NAA35: variants seen among roughly 807,000 people sequenced by gnomAD.
The protein encoded by NAA35 is N-alpha-acetyltransferase 35, NatC auxiliary subunit.
In NAA35, 18 loss-of-function variants were observed where a neutral mutation model predicts 101.7. The ratio of observed to expected loss-of-function variants is 0.18; its 90% confidence interval spans 0.12 to 0.26. The LOEUF is 0.26. Among genes scored for constraint, NAA35 ranks in the 10% least tolerant of loss-of-function variants. The pLI is 1.00. For missense variants in NAA35, 601 were observed against 886.8 expected (o/e 0.68, Z 4.09); for synonymous variants, 267 against 273.1 (o/e 0.98, Z 0.22).
At chr9:86,017,403 C>A in intron 18 of NAA35, 95 bp from the exon 19 acceptor site, 1 of 1,115,220 alleles carries the variant, frequency 9.0e-7, no homozygotes, top group South Asian at 1.5e-5. Context: ...AGTATACAAG[C>A]TGAAAGATTT....
intron 13 of NAA35, among the ~76,000 whole-genome samples, chr9:86,005,875 A>T (rs927530358): frequency 1.4e-5 from 2 of 144,118 alleles, no homozygotes; most frequent in East Asian, 2.0e-4. Context: ...GAATATCTTT[A>T]AAAAAAAAAA....
chr9:85,964,047 T>C (rs1472965334), intron 6 of NAA35, among the ~76,000 whole-genome samples: 1 of 152,184 alleles, frequency 6.6e-6, no homozygotes, highest in Non-Finnish European at 1.5e-5. Flanking sequence ...AACAAGATTG[T>C]TGAGGATGGG....
rs1270165452 is a variant in NAA35, at chr9:85,978,344, T to G, written c.840T>G (p.His280Gln). 4 of 1,612,984 alleles carry G rather than the reference T, an allele frequency of 2.5e-6. No individual in the cohort carries two copies. In the South Asian group the frequency reaches 4.4e-5, roughly 18 times the overall value. Residue 280 changes from histidine to glutamine, a missense_variant, in exon 11 of 23, where the codon CAT becomes CAG. His to Gln is a conservative substitution (Grantham distance 24). Around this residue, in one of 8 missense-constraint regions of NAA35, gnomAD observed 190 missense variants for 223.1 expected, o/e 0.85. Coordinates refer to ENST00000361671, the MANE Select transcript of NAA35 (RefSeq NM_024635.4). Reference sequence around the variant, plus strand: ...TTTCTGCCATTCATAATTCATTGCATCATGGCATCCAGGCCCAGAATGATA... The same window carrying G: ...TTTCTGCCATTCATAATTCATTGCAGCATGGCATCCAGGCCCAGAATGATA... ...DLLSAIHNSL[H>Q]HGIQAQNDTT...
At chr9:85,988,041 GT>G (rs1830726159) in intron 11 of NAA35, among the ~76,000 whole-genome samples, 1 of 152,210 alleles carries the variant, frequency 6.6e-6, no homozygotes, top group African/African-American at 2.4e-5. Flanking sequence ...TGCTGTTGAT[GT>G]TTTAGTAGTC....
Position 85,977,460 on chromosome 9 carries a change from A to G in NAA35, c.762+14A>G, listed in dbSNP as rs1454092772. 8 of 1,542,814 alleles carry G rather than the reference A, an allele frequency of 5.2e-6. No homozygotes were observed. Among genetic ancestry groups the G allele is most frequent in the Middle Eastern group, 1.7e-4 (1 of 5,940 alleles). On this transcript the variant is annotated intron_variant, in intron 10 of 22. Coordinates refer to ENST00000361671, the MANE Select transcript of NAA35 (RefSeq NM_024635.4). Reference sequence around the variant, plus strand: ...ACTAAGAAAGAGGTAAGGGCATTCAATATAATATGTCTATTTGTTTTAGTG... The same window carrying G: ...ACTAAGAAAGAGGTAAGGGCATTCAGTATAATATGTCTATTTGTTTTAGTG...
In NAA35 at chr9:86,024,083, TAGG is replaced by T. The variant is rs1440316095; in HGVS notation, c.*2126_*2128del. On this transcript the variant is annotated 3_prime_UTR_variant, in exon 23 of 23. Transcript: ENST00000361671. Reference sequence around the variant, plus strand: ...TCAAGGTACTTACTGAAAAAAACAATAGGAGAAATAAGACAGTCTCCTGTCATA... The same window carrying T: ...TCAAGGTACTTACTGAAAAAAACAATAGAAATAAGACAGTCTCCTGTCATA... Among the ~76,000 whole-genome samples, 1 of 152,176 alleles carries T rather than the reference TAGG, an allele frequency of 6.6e-6. No homozygotes were observed. The highest frequency in any genetic ancestry group is 1.5e-5 in the Non-Finnish European group (1 of 68,020).
chr9:85,982,672 C>T (rs1167096516), intron 11 of NAA35, among the ~76,000 whole-genome samples: 1 of 152,090 alleles, frequency 6.6e-6, no homozygotes, highest in Non-Finnish European at 1.5e-5. Flanking sequence ...CACACAGTTT[C>T]AAGAGGACTT....
At chr9:85,947,446 A>G (rs1008760103) in intron 2 of NAA35, among the ~76,000 whole-genome samples, 5 of 152,204 alleles carry the variant, frequency 3.3e-5, no homozygotes, top group African/African-American at 1.2e-4. Context: ...TGTCCTGGCA[A>G]AAGATCTAGG....
chr9:85,992,791 G>A (rs1018847080), intron 11 of NAA35, among the ~76,000 whole-genome samples: 4 of 152,218 alleles, frequency 2.6e-5, no homozygotes, highest in African/African-American at 9.6e-5. Flanking sequence ...TGAATGAAGT[G>A]TGAGGATTAG....
chr9:85,948,968 C>T (rs918547473), intron 2 of NAA35, among the ~76,000 whole-genome samples: 9 of 151,948 alleles, frequency 5.9e-5, no homozygotes, highest in African/African-American at 1.7e-4. Flanking sequence ...TGTTGGCCAG[C>T]CAGGTCTCGA....
intron 6 of NAA35, among the ~76,000 whole-genome samples, chr9:85,966,064 C>G (rs76793819): frequency 6.6e-6 from 1 of 152,102 alleles, no homozygotes; most frequent in African/African-American, 2.4e-5. Flanking sequence ...TCAAGCCTCC[C>G]GAGTAGCTAA....
chr9:86,019,903 G>A (rs1296055328), intron 21 of NAA35, among the ~76,000 whole-genome samples: 1 of 152,148 alleles, frequency 6.6e-6, no homozygotes, highest in Non-Finnish European at 1.5e-5. Flanking sequence ...AAAGTAGGAA[G>A]AAACAGTAGT....
intron 11 of NAA35, among the ~76,000 whole-genome samples, chr9:85,987,364 G>C (rs1388058423): frequency 6.6e-6 from 1 of 152,128 alleles, no homozygotes; most frequent in Non-Finnish European, 1.5e-5. Context: ...GAGGACTACT[G>C]ACCTTGGTGC....
intron 1 of NAA35, chr9:85,941,907 G>A (rs1033576856): frequency 3.3e-6 from 4 of 1,209,464 alleles, no homozygotes; most frequent in Non-Finnish European, 4.1e-6. Context: ...TTCTTAAACA[G>A]TAGGAAGGCA....
intron 6 of NAA35, among the ~76,000 whole-genome samples, chr9:85,966,169 A>G (rs766140821): frequency 2.4e-4 from 36 of 152,104 alleles, no homozygotes; most frequent in African/African-American, 8.2e-4. Flanking sequence ...TCAAACTGCA[A>G]TGCTCAAGTG....
intron 22 of NAA35, 43 bp downstream of exon 22, chr9:86,021,012 GAA>G: frequency 2.8e-6 from 4 of 1,424,688 alleles, no homozygotes; most frequent in Non-Finnish European, 3.9e-6. Context: ...AGATTATTGT[GAA>G]GTTTCATAAG....
intron 6 of NAA35, among the ~76,000 whole-genome samples, chr9:85,968,670 C>T (rs1050145216): frequency 1.3e-5 from 2 of 151,734 alleles, no homozygotes; most frequent in African/African-American, 4.8e-5. Context: ...CTCCATATAT[C>T]TGGATATAAC....
At chr9:85,955,954 C>T (rs1222424775) in intron 2 of NAA35, among the ~76,000 whole-genome samples, 3 of 152,150 alleles carry the variant, frequency 2.0e-5, no homozygotes, top group Non-Finnish European at 4.4e-5. Flanking sequence ...ATGGTTTTGA[C>T]ACTGTTACTG....
intron 12 of NAA35, among the ~76,000 whole-genome samples, chr9:86,001,844 G>T (rs139058909): frequency 5.9e-4 from 90 of 152,098 alleles, no homozygotes; most frequent in Non-Finnish European, 9.9e-4. Flanking sequence ...TGTTTCTTAA[G>T]TGGGCCATTT....
Sources: gnomAD v4.1 joint callset for allele counts (sites outside exome capture counted in the v4.1 genomes callset) on GRCh38, gnomAD v4.1.1 for gene constraint, gnomAD v4.1.1 regional missense constraint, MANE v1.5 for transcripts, NCBI Gene and HGNC (gene_info 2026-07-23, HGNC 2026-07-21) for gene names.